The following UBE2E1 variants were observed in gnomAD, a reference collection of about 807,000 sequenced individuals.
UBE2E1 encodes the protein ubiquitin-conjugating enzyme E2 E1.
UBE2E1 carries 6 observed loss-of-function variants against 21.4 expected under a neutral mutation model. The observed-to-expected ratio is 0.28, with a 90% confidence interval of 0.15 to 0.55. The LOEUF (loss-of-function observed/expected upper bound fraction) is 0.55. Ranked by LOEUF, UBE2E1 falls within the 20% of genes least tolerant of loss-of-function variation. UBE2E1 has a pLI of 0.93. For synonymous variants in UBE2E1, 87 were observed against 82.7 expected, an observed-to-expected ratio of 1.05 and a Z score of -0.28; for missense variants, 142 against 236.5, an observed-to-expected ratio of 0.60 and a Z score of 2.62.
chr3:23,815,998 A>C (rs1318761268), intron 3 of UBE2E1, among the ~76,000 whole-genome samples: 1 of 152,200 alleles, frequency 6.6e-6, no homozygotes, highest in East Asian at 1.9e-4. Flanking sequence ...GCTGTTGGGA[A>C]TTAGATCATC....
intron 2 of UBE2E1, among the ~76,000 whole-genome samples, chr3:23,809,376 A>C (rs1229429035): frequency 6.6e-6 from 1 of 152,220 alleles, no homozygotes; most frequent in Non-Finnish European, 1.5e-5. Flanking sequence ...TGTTGCCCAT[A>C]GAATTGGAAG....
At chr3:23,835,353 A>G (rs1443594105) in intron 3 of UBE2E1, among the ~76,000 whole-genome samples, 2 of 152,180 alleles carry the variant, frequency 1.3e-5, no homozygotes, top group East Asian at 1.9e-4. Flanking sequence ...CTGTGGTCCT[A>G]GCTACTCAGG....
intron 3 of UBE2E1, among the ~76,000 whole-genome samples, chr3:23,873,972 G>C (rs1227373460): frequency 1.3e-5 from 2 of 152,214 alleles, no homozygotes; most frequent in African/African-American, 4.8e-5. Flanking sequence ...AAATCACTGT[G>C]CAAGACTGTT....
intron 3 of UBE2E1, among the ~76,000 whole-genome samples, chr3:23,812,337 C>T (rs1433788613): frequency 6.6e-6 from 1 of 152,054 alleles, no homozygotes; most frequent in Non-Finnish European, 1.5e-5. Flanking sequence ...TCAAGATCGG[C>T]GTTGGAAAGG....
chr3:23,829,386 C>G (rs978620562), intron 3 of UBE2E1, among the ~76,000 whole-genome samples: 3 of 151,088 alleles, frequency 2.0e-5, no homozygotes, highest in African/African-American at 7.3e-5. Flanking sequence ...TCTGGAACTC[C>G]TAAGCTCAGA....
At chr3:23,864,265 T>C (rs1700610024) in intron 3 of UBE2E1, among the ~76,000 whole-genome samples, 1 of 152,148 alleles carries the variant, frequency 6.6e-6, no homozygotes, top group Non-Finnish European at 1.5e-5. Context: ...TTTTTTTTTC[T>C]CCCTGGAAAC....
chr3:23,831,433 C>T (rs1466189386), intron 3 of UBE2E1, among the ~76,000 whole-genome samples: 4 of 151,936 alleles, frequency 2.6e-5, no homozygotes, highest in Non-Finnish European at 5.9e-5. Context: ...TTGGATCAGT[C>T]AGCTATTTTG....
At chr3:23,885,252 T>C (rs1701155269) in intron 3 of UBE2E1, among the ~76,000 whole-genome samples, 1 of 152,170 alleles carries the variant, frequency 6.6e-6, no homozygotes. Context: ...CCTAACCCAG[T>C]ACCTTCAAAG....
At chr3:23,841,781 TTGAAATCCAA>T (rs1700091541) in intron 3 of UBE2E1, among the ~76,000 whole-genome samples, 1 of 152,204 alleles carries the variant, frequency 6.6e-6, no homozygotes, top group East Asian at 1.9e-4. Flanking sequence ...ACACAGAAAT[TTGAAATCCAA>T]TGGGTTGGTG....
At chr3:23,834,759 C>G (rs1699943998) in intron 3 of UBE2E1, among the ~76,000 whole-genome samples, 1 of 152,110 alleles carries the variant, frequency 6.6e-6, no homozygotes, top group Non-Finnish European at 1.5e-5. Flanking sequence ...AAAACTTACA[C>G]TGCTCTTTTT....
At chr3:23,811,151 G>T (rs996336010) in intron 2 of UBE2E1, 2 of 417,916 alleles carry the variant, frequency 4.8e-6, no homozygotes, top group African/African-American at 3.9e-5. Context: ...AAACCGGTCG[G>T]CAAGTGAGAA....
At chr3:23,886,150 A>C (rs1190360511) in intron 3 of UBE2E1, among the ~76,000 whole-genome samples, 1 of 152,198 alleles carries the variant, frequency 6.6e-6, no homozygotes, top group Non-Finnish European at 1.5e-5. Flanking sequence ...CAGTGACCCG[A>C]GATCATGCCA....
At chr3:23,867,421 A>T (rs1039607540) in intron 3 of UBE2E1, among the ~76,000 whole-genome samples, 2 of 152,250 alleles carry the variant, frequency 1.3e-5, no homozygotes, top group Admixed American at 6.5e-5. Flanking sequence ...ATTTGGATAA[A>T]TTATCATCAA....
intron 3 of UBE2E1, among the ~76,000 whole-genome samples, chr3:23,825,880 C>T (rs1699747170): frequency 6.6e-6 from 1 of 152,036 alleles, no homozygotes; most frequent in African/African-American, 2.4e-5. Context: ...ATTTCCTACT[C>T]ATGAAAAGAG....
Position 23,887,953 on chromosome 3 carries a change from A to G in UBE2E1, c.336+254A>G, listed in dbSNP as rs943136729. Among the ~76,000 whole-genome samples, 1 of 152,226 alleles carries G rather than the reference A, an allele frequency of 6.6e-6. No homozygotes were observed. Among genetic ancestry groups the G allele is most frequent in the African/African-American group, 2.4e-5 (1 of 41,466 alleles). On this transcript the variant is annotated intron_variant, in intron 4 of 5. Coordinates refer to ENST00000306627, the MANE Select transcript of UBE2E1 (RefSeq NM_003341.5). The surrounding 1 kb of genome is among the most constrained non-coding windows in gnomAD (Gnocchi z 4.4). ...TTTATAGTAATATTGTCAGCAACCT[A>G]GAATTAATCCCCTGTTTTCCAGCCC...
At chr3:23,820,571 T>A (rs1699624935) in intron 3 of UBE2E1, among the ~76,000 whole-genome samples, 1 of 151,534 alleles carries the variant, frequency 6.6e-6, no homozygotes, top group South Asian at 2.1e-4. Flanking sequence ...TGTTGTTCAC[T>A]AATACTTTTA....
At chr3:23,888,337 T>C (rs1701242400) in intron 4 of UBE2E1, 1 of 451,896 alleles carries the variant, frequency 2.2e-6, no homozygotes, top group Non-Finnish European at 4.4e-6. Flanking sequence ...AACCCCGTCT[T>C]GGGGATTAGG....
chr3:23,881,559 A>ACTTT (rs896702834), intron 3 of UBE2E1, among the ~76,000 whole-genome samples: 4 of 152,330 alleles, frequency 2.6e-5, no homozygotes, highest in African/African-American at 9.6e-5. Flanking sequence ...CCCCAATCAT[A>ACTTT]CTTTGGTTGG....
rs1410846649 is a variant in UBE2E1 at position 23,808,844 on chromosome 3, G to A, written c.152+1423G>A. ...CCCACCTCAATCCTCTAGGCTCTCT[G>A]ATCCTCATTCACGTTTTGGCCTCAC... On this transcript the variant is annotated intron_variant, in intron 2 of 5. Transcript: ENST00000306627. The surrounding 1 kb of genome is among the most constrained non-coding windows in gnomAD (Gnocchi z 4.9). 2.6e-5 allele frequency: 4 copies of A among 152,174 alleles called. No homozygotes were observed. The highest frequency in any genetic ancestry group is 9.7e-5 in the African/African-American group (4 of 41,428). The allele number at this position is 152,174 out of a possible 1,614,324, so 9.4% of individuals were successfully genotyped here. A position where few individuals can be genotyped will look rare whatever the true frequency, so the allele number is the denominator to read the frequency against.
Sources: gnomAD v4.1 joint callset for allele counts (sites outside exome capture counted in the v4.1 genomes callset) on GRCh38, gnomAD v4.1.1 for gene constraint, Gnocchi (gnomAD v3.1) non-coding constraint, MANE v1.5 for transcripts, NCBI Gene and HGNC (gene_info 2026-07-23, HGNC 2026-07-21) for gene names.